The following CNTN5 variants were observed in gnomAD, a reference collection of about 807,000 sequenced individuals.
The protein encoded by CNTN5 is contactin-5.
CNTN5 carries 77 observed loss-of-function variants against 129.1 expected under a neutral mutation model. The ratio of observed to expected loss-of-function variants is 0.60; its 90% CI spans 0.50 to 0.72. The LOEUF is 0.72. Ranked by LOEUF, CNTN5 falls within the 30% of genes least tolerant of loss-of-function variation. CNTN5 has a pLI of 0.00. For missense variants in CNTN5, 1,478 were observed against 1,328.8 expected (o/e 1.11, Z -1.75); for synonymous variants, 509 against 465.6 (o/e 1.09, Z -1.20).
At chr11:99,973,587 G>A (rs1363573208) in intron 8 of CNTN5, among the ~76,000 whole-genome samples, 1 of 151,968 alleles carries the variant, frequency 6.6e-6, no homozygotes, top group East Asian at 1.9e-4. Flanking sequence ...GGCTTCCTGT[G>A]AATCATTTTA....
intron 1 of CNTN5, among the ~76,000 whole-genome samples, chr11:99,206,700 G>A (rs1859504481): frequency 1.3e-5 from 2 of 152,206 alleles, no homozygotes; most frequent in South Asian, 4.1e-4. Context: ...TGGTTTGCAT[G>A]TTTTCTGTGA....
intron 13 of CNTN5, among the ~76,000 whole-genome samples, chr11:100,105,933 A>G (rs2138086483): frequency 6.6e-6 from 1 of 152,270 alleles, no homozygotes; most frequent in South Asian, 2.1e-4. Context: ...CATTGGCCCC[A>G]TTTTACAGTG....
At chr11:99,249,045 A>G (rs533960106) in intron 1 of CNTN5, among the ~76,000 whole-genome samples, 45 of 152,220 alleles carry the variant, frequency 3.0e-4, no homozygotes, top group Non-Finnish European at 5.1e-4. Context: ...GAGTCTATAA[A>G]TTACCTTGGG....
intron 1 of CNTN5, among the ~76,000 whole-genome samples, chr11:99,044,783 T>C (rs564428933): frequency 7.9e-5 from 12 of 152,280 alleles, no homozygotes; most frequent in African/African-American, 2.4e-4. Context: ...TGTCAGGTCC[T>C]GATAGGATGA....
intron 2 of CNTN5, among the ~76,000 whole-genome samples, chr11:99,476,081 T>TC (rs11462348): frequency 0.96 from 145,590 of 151,918 alleles, 70,100 homozygotes; most frequent in East Asian, 1. Context: ...TTCTCTTTTT[T>TC]CCCCCAAAGA....
intron 3 of CNTN5, among the ~76,000 whole-genome samples, chr11:99,791,268 T>A (rs1382762973): frequency 6.6e-6 from 1 of 152,168 alleles, no homozygotes; most frequent in Non-Finnish European, 1.5e-5. Context: ...AGGGTTTTAA[T>A]AATTTTAGGT....
intron 21 of CNTN5, among the ~76,000 whole-genome samples, chr11:100,331,056 C>T (rs1163235284): frequency 6.6e-6 from 1 of 152,102 alleles, no homozygotes; most frequent in Non-Finnish European, 1.5e-5. Flanking sequence ...GATAAAAATT[C>T]ACCAACTAAG....
chr11:99,776,396 A>G (rs1017363711), intron 3 of CNTN5, among the ~76,000 whole-genome samples: 2 of 152,004 alleles, frequency 1.3e-5, no homozygotes, highest in Non-Finnish European at 2.9e-5. Flanking sequence ...CACCATTTAT[A>G]GAAAAAATTT....
intron 8 of CNTN5, among the ~76,000 whole-genome samples, chr11:99,975,902 T>C (rs1212699515): frequency 6.6e-6 from 1 of 152,142 alleles, no homozygotes; most frequent in Non-Finnish European, 1.5e-5. Context: ...CTTAACTTAT[T>C]CCAGCATTAC....
At chr11:99,112,185 AATTTT>A (rs1857829126) in intron 1 of CNTN5, among the ~76,000 whole-genome samples, 1 of 152,048 alleles carries the variant, frequency 6.6e-6, no homozygotes, top group South Asian at 2.1e-4. Context: ...TACCACACTG[AATTTT>A]ATTGTTTATT....
chr11:100,134,298 GA>G (rs1946461269), intron 13 of CNTN5, among the ~76,000 whole-genome samples: 2 of 152,088 alleles, frequency 1.3e-5, no homozygotes, highest in Admixed American at 1.3e-4. Flanking sequence ...TGTGCTTACA[GA>G]ATCTTATTTT....
chr11:99,691,338 T>A (rs1014237215), intron 3 of CNTN5, among the ~76,000 whole-genome samples: 3 of 152,140 alleles, frequency 2.0e-5, no homozygotes, highest in Non-Finnish European at 2.9e-5. Flanking sequence ...AGTTGTGATG[T>A]TAGGTTGTTA....
intron 3 of CNTN5, among the ~76,000 whole-genome samples, chr11:99,640,359 G>T (rs573600875): frequency 6.6e-6 from 1 of 152,270 alleles, no homozygotes; most frequent in East Asian, 1.9e-4. Flanking sequence ...GCCTGGCAAG[G>T]CCTCTGAATT....
At chr11:99,666,152 G>T (rs1431720831) in intron 3 of CNTN5, among the ~76,000 whole-genome samples, 1 of 152,000 alleles carries the variant, frequency 6.6e-6, no homozygotes, top group Admixed American at 6.6e-5. Flanking sequence ...ATTTTTAGTG[G>T]TGACAGGGCT....
intron 1 of CNTN5, among the ~76,000 whole-genome samples, chr11:99,165,510 G>A (rs1440005037): frequency 6.6e-6 from 1 of 152,116 alleles, no homozygotes; most frequent in East Asian, 1.9e-4. Flanking sequence ...GGAGAGGAAG[G>A]ACACCAACTT....
In CNTN5 at chr11:99,470,823, T is replaced by TA. The variant is rs60020033; in HGVS notation, c.-70-85321dup. On this transcript the variant is annotated intron_variant, in intron 2 of 24. Coordinates refer to ENST00000524871, the MANE Select transcript of CNTN5 (RefSeq NM_014361.4). The stretch of plus-strand genomic sequence containing the variant: ...GGAAAATCACAAATTTATTTTTTTT[T>TA]ATCATTATAGCTATATTCTGATTAA... Among the ~76,000 whole-genome samples, 650 of 152,064 alleles carry TA rather than the reference T, an allele frequency of 4.3e-3. 13 individuals carry two copies. Among genetic ancestry groups the TA allele is most frequent in the East Asian group, 0.014 (70 of 5,170 alleles).
intron 1 of CNTN5, among the ~76,000 whole-genome samples, chr11:99,266,907 G>A (rs867169129): frequency 3.7e-4 from 56 of 152,104 alleles, no homozygotes; most frequent in African/African-American, 1.2e-3. Flanking sequence ...GTGTTTTTAT[G>A]GAATTGCAGT....
intron 7 of CNTN5, among the ~76,000 whole-genome samples, chr11:99,941,494 C>A (rs1347314054): frequency 2.0e-5 from 3 of 151,186 alleles, no homozygotes; most frequent in African/African-American, 7.3e-5. Context: ...GCAGATAAAA[C>A]ATAGTCAAGA....
chr11:99,259,166 C>A (rs1242346486), intron 1 of CNTN5, among the ~76,000 whole-genome samples: 1 of 151,764 alleles, frequency 6.6e-6, no homozygotes. Flanking sequence ...TTTGCCAGTG[C>A]ATTTGCTATG....
Sources: allele counts gnomAD v4.1 joint callset (sites outside exome capture counted in the v4.1 genomes callset), GRCh38; gene constraint gnomAD v4.1.1; transcripts MANE v1.5; gene names NCBI Gene and HGNC (gene_info 2026-07-23, HGNC 2026-07-21).